Variants in DCC observed in about 807,000 individuals in gnomAD.
The protein encoded by DCC is netrin receptor DCC.
DCC carries 58 observed loss-of-function variants against 172.5 expected under a neutral mutation model. The observed-to-expected ratio is 0.34, with a 90% CI of 0.27 to 0.42. The LOEUF is 0.42. DCC is among the 10% of genes least tolerant of loss of function. The pLI is 1.00. For synonymous variants in DCC, 709 were observed against 644.5 expected (o/e 1.10, Z -1.52); for missense variants, 1,740 against 1,791.0 (o/e 0.97, Z 0.51).
At chr18:53,166,608 C>T (rs4278818) in intron 8 of DCC, among the ~76,000 whole-genome samples, 86,202 of 152,004 alleles carry the variant, frequency 0.57, 25,343 homozygotes, top group East Asian at 0.73. Context: ...TTACAGTAGC[C>T]ATTTGTTACG....
At chr18:52,791,163 G>C (rs1052014022) in intron 2 of DCC, among the ~76,000 whole-genome samples, 17 of 152,140 alleles carry the variant, frequency 1.1e-4, no homozygotes, top group Non-Finnish European at 1.5e-5. Context: ...TCTAATTTTG[G>C]GGAATTCTCT....
At chr18:52,775,393 ACT>A (rs894552244) in intron 2 of DCC, among the ~76,000 whole-genome samples, 10 of 151,586 alleles carry the variant, frequency 6.6e-5, no homozygotes, top group African/African-American at 2.2e-4. Context: ...GCTCAAGTAG[ACT>A]CTCTACCTTG....
intron 1 of DCC, among the ~76,000 whole-genome samples, chr18:52,547,052 G>A (rs2032636951): frequency 6.6e-6 from 1 of 152,068 alleles, no homozygotes; most frequent in Non-Finnish European, 1.5e-5. Context: ...TGCCTTATGA[G>A]AATCATTTAA....
chr18:52,636,363 G>A (rs944996912), intron 1 of DCC, among the ~76,000 whole-genome samples: 4 of 130,378 alleles, frequency 3.1e-5, no homozygotes, highest in African/African-American at 1.2e-4. Flanking sequence ...GGCACGAATT[G>A]GGGATACAGA....
intron 2 of DCC, among the ~76,000 whole-genome samples, chr18:52,882,656 T>C (rs74649705): frequency 0.014 from 2,064 of 152,238 alleles, 16 homozygotes; most frequent in Middle Eastern, 0.024. Flanking sequence ...TTTTGAAATG[T>C]TTTAAAACTT....
intron 26 of DCC, among the ~76,000 whole-genome samples, chr18:53,494,160 G>A: frequency 6.6e-6 from 1 of 152,182 alleles, no homozygotes; most frequent in East Asian, 1.9e-4. Flanking sequence ...ATAATCTTGA[G>A]TTCTAATTTG....
chr18:53,139,548 T>C (rs2043799509), intron 7 of DCC, among the ~76,000 whole-genome samples: 1 of 152,188 alleles, frequency 6.6e-6, no homozygotes, highest in Non-Finnish European at 1.5e-5. Context: ...ACCTTTTTTG[T>C]TTAACAAAAA....
intron 15 of DCC, among the ~76,000 whole-genome samples, chr18:53,342,880 T>TATTCCTAAATATATA (rs1568068827): frequency 6.8e-6 from 1 of 148,032 alleles, no homozygotes; most frequent in Non-Finnish European, 1.5e-5. Context: ...TATATTTGAA[T>TATTCCTAAATATATA]TATTTTAAAT....
chr18:52,483,638 C>T (rs2030066953), intron 1 of DCC, among the ~76,000 whole-genome samples: 1 of 152,090 alleles, frequency 6.6e-6, no homozygotes, highest in African/African-American at 2.4e-5. Flanking sequence ...TCTTTTCCCT[C>T]TCTGGAGTCT....
intron 5 of DCC, among the ~76,000 whole-genome samples, chr18:53,020,683 ATGTT>A (rs2041868068): frequency 6.6e-6 from 1 of 152,176 alleles, no homozygotes; most frequent in Non-Finnish European, 1.5e-5. Flanking sequence ...ATCTTCTCAT[ATGTT>A]TGTTTTAAAA....
intron 7 of DCC, among the ~76,000 whole-genome samples, chr18:53,069,439 A>G (rs1288903029): frequency 6.6e-6 from 1 of 152,122 alleles, no homozygotes; most frequent in Non-Finnish European, 1.5e-5. Flanking sequence ...TTTTCCCAAG[A>G]GGTCCTGTCT....
At chr18:53,353,660 G>A (rs376469994) in intron 15 of DCC, among the ~76,000 whole-genome samples, 26 of 152,150 alleles carry the variant, frequency 1.7e-4, no homozygotes, top group African/African-American at 6.0e-4. Context: ...TATTTTCACT[G>A]GTCATAGAAT....
chr18:53,065,568 C>A (rs2042554010), intron 6 of DCC, among the ~76,000 whole-genome samples: 1 of 152,136 alleles, frequency 6.6e-6, no homozygotes, highest in Admixed American at 6.6e-5. Context: ...AGATATTTTT[C>A]TGGGCAAACG....
intron 1 of DCC, among the ~76,000 whole-genome samples, chr18:52,374,573 A>C (rs527805299): frequency 6.6e-6 from 1 of 152,314 alleles, no homozygotes; most frequent in South Asian, 2.1e-4. Context: ...TACAAGAGAG[A>C]TCTAAGAACA....
chr18:52,540,222 G>C (rs985207230), intron 1 of DCC, among the ~76,000 whole-genome samples: 1 of 152,098 alleles, frequency 6.6e-6, no homozygotes, highest in Admixed American at 6.5e-5. Flanking sequence ...AATTGCTTAA[G>C]GCCAGGAGTT....
chr18:52,378,431 G>A (rs1006310438), intron 1 of DCC, among the ~76,000 whole-genome samples: 1 of 151,978 alleles, frequency 6.6e-6, no homozygotes, highest in Non-Finnish European at 1.5e-5. Context: ...CTACATGCAG[G>A]AACTACAAGG....
At chr18:53,091,305 T>C (rs1247299928) in intron 7 of DCC, among the ~76,000 whole-genome samples, 8 of 149,304 alleles carry the variant, frequency 5.4e-5, no homozygotes, top group Non-Finnish European at 8.9e-5. Context: ...AAAAGAAATA[T>C]TTACTTTGAC....
chr18:52,663,735 G>A (rs567544020), intron 1 of DCC, among the ~76,000 whole-genome samples: 99 of 151,992 alleles, frequency 6.5e-4, no homozygotes, highest in South Asian at 1.0e-3. Context: ...CTACATTCTC[G>A]CTTTCCATAG....
chr18:53,427,111 T>A (rs889084165), intron 21 of DCC, among the ~76,000 whole-genome samples: 3 of 152,128 alleles, frequency 2.0e-5, no homozygotes, highest in African/African-American at 7.2e-5. Flanking sequence ...CAGATGCTCT[T>A]TTATAAGCCA....
Sources: allele counts gnomAD v4.1 joint callset (sites outside exome capture counted in the v4.1 genomes callset), GRCh38; gene constraint gnomAD v4.1.1; transcripts MANE v1.5; gene names NCBI Gene and HGNC (gene_info 2026-07-23, HGNC 2026-07-21).